The following PPP2R2B variants were observed in gnomAD, a reference collection of about 807,000 sequenced individuals.
The protein encoded by PPP2R2B is serine/threonine-protein phosphatase 2A 55 kDa regulatory subunit B beta isoform.
PPP2R2B carries 5 observed loss-of-function variants against 46.0 expected under a neutral mutation model. The observed-to-expected ratio is 0.11, with a 90% CI of 0.06 to 0.23. The LOEUF is 0.23. Ranked by LOEUF, PPP2R2B falls within the 10% of genes least tolerant of loss-of-function variation. The pLI, the probability that PPP2R2B is intolerant of heterozygous loss-of-function variation, is 1.00. For missense variants in PPP2R2B, 367 were observed against 575.0 expected (o/e 0.64, Z 3.70); for synonymous variants, 215 against 206.7 (o/e 1.04, Z -0.34).
At chr5:146,876,772 A>C (rs1761920852) in intron 2 of PPP2R2B, among the ~76,000 whole-genome samples, 1 of 152,190 alleles carries the variant, frequency 6.6e-6, no homozygotes, top group South Asian at 2.1e-4. Flanking sequence ...AATGGAGAAT[A>C]TACTTTCAAT....
intron 2 of PPP2R2B, among the ~76,000 whole-genome samples, chr5:146,729,207 G>C (rs372191763): frequency 6.6e-6 from 1 of 152,212 alleles, no homozygotes; most frequent in South Asian, 2.1e-4. Context: ...TTATGTTTTA[G>C]CAAAGAGACT....
chr5:146,708,891 A>T (rs1780056052), intron 2 of PPP2R2B, among the ~76,000 whole-genome samples: 1 of 152,198 alleles, frequency 6.6e-6, no homozygotes, highest in Non-Finnish European at 1.5e-5. Flanking sequence ...CCTTGTCTAA[A>T]TGGAACTATG....
intron 2 of PPP2R2B, among the ~76,000 whole-genome samples, chr5:146,788,472 C>T (rs161038): frequency 0.89 from 135,815 of 152,146 alleles, 60,895 homozygotes; most frequent in African/African-American, 0.97. Context: ...CAGTGGCTCA[C>T]GCCTCCCAGC....
At position 146,745,184 on chromosome 5, in the gene PPP2R2B, GAGAGAGAGAGAGAGAGAGAGAGAA is replaced by G. The variant is rs964416642; in HGVS notation, c.71-44066_71-44043del. 5.5e-5 allele frequency among the ~76,000 whole-genome samples: 7 copies of G among 127,152 alleles called. No homozygotes were observed. In the East Asian group the frequency reaches 6.6e-4, roughly 12 times the overall value. 83.4% of individuals were successfully genotyped at this position (127,152 alleles called of 152,430 possible). A position where few individuals can be genotyped will look rare whatever the true frequency, so the allele number is the denominator to read the frequency against. The stretch of plus-strand genomic sequence containing the variant: ...ACAGAGAGAGAGAGAGAGAGAGAGA[GAGAGAGAGAGAGAGAGAGAGAGAA>G]AGAGACTATAAGCATGGAATGATGT... On this transcript the variant is annotated intron_variant, in intron 2 of 9. Coordinates refer to ENST00000394411, the MANE Select transcript of PPP2R2B (RefSeq NM_181675.4).
At position 146,617,862 on chromosome 5, in the gene PPP2R2B, T is replaced by A. The variant is rs546978855; in HGVS notation, c.791-17402A>T. ...GACGTGTGCCACCACGCCCAGCTAA[T>A]TTTTGTAGTTTTAGTAGAGATGGGG... On this transcript the variant is annotated intron_variant, in intron 7 of 9. Coordinates refer to ENST00000394411, the MANE Select transcript of PPP2R2B (RefSeq NM_181675.4). 4.6e-5 allele frequency among the ~76,000 whole-genome samples: 7 copies of A among 152,140 alleles called. No homozygotes were observed. The East Asian group carries it at 1.4e-3, about 30-fold the overall frequency.
At chr5:146,728,057 T>C (rs1462214266) in intron 2 of PPP2R2B, among the ~76,000 whole-genome samples, 1 of 151,956 alleles carries the variant, frequency 6.6e-6, no homozygotes, top group Non-Finnish European at 1.5e-5. Flanking sequence ...TAAGCATGTA[T>C]AATTTTAAAT....
At chr5:146,956,297 T>G (rs1160296063) in intron 1 of PPP2R2B, among the ~76,000 whole-genome samples, 4 of 152,116 alleles carry the variant, frequency 2.6e-5, no homozygotes, top group African/African-American at 9.7e-5. Context: ...CACTTTAATC[T>G]CATGAATGGA....
chr5:146,939,491 G>A (rs1417340595), intron 1 of PPP2R2B, among the ~76,000 whole-genome samples: 1 of 152,180 alleles, frequency 6.6e-6, no homozygotes, highest in Admixed American at 6.5e-5. Flanking sequence ...GAGTCACACT[G>A]CTACAAATTC....
At chr5:146,780,048 A>T (rs990945171) in intron 2 of PPP2R2B, among the ~76,000 whole-genome samples, 1 of 152,206 alleles carries the variant, frequency 6.6e-6, no homozygotes, top group Non-Finnish European at 1.5e-5. Context: ...ATTGCAAAAC[A>T]ATGATGTAAC....
chr5:146,982,218 G>A (rs1343015239), intron 1 of PPP2R2B, among the ~76,000 whole-genome samples: 6 of 151,870 alleles, frequency 4.0e-5, no homozygotes, highest in Non-Finnish European at 7.4e-5. Context: ...CTATAAATTT[G>A]CTTTTCATTT....
rs117120504 is a variant in PPP2R2B, at chr5:147,047,264, A to G, written c.79+8401T>C. On this transcript the variant is annotated intron_variant, in intron 1 of 8. Transcript: ENST00000336640. ...CTGTATGATGACTATAGTTAACAAT[A>G]ATGTCTTAGTTACAAATATCTGGGA... 1.1e-3 allele frequency among the ~76,000 whole-genome samples: 173 copies of G among 152,188 alleles called. 1 individual carries two copies. The East Asian group carries it at 0.027, about 24-fold the overall frequency.
Position 146,878,693 on chromosome 5 carries a change from G to T in PPP2R2B, c.-227C>A. ...GCAGGGCGCTGCAGCCGGCGCCAGCGCACTCACCCTCACACCCACACGCGC... is the reference window on the plus strand; with the variant it reads ...GCAGGGCGCTGCAGCCGGCGCCAGCTCACTCACCCTCACACCCACACGCGC... On this transcript the variant is annotated 5_prime_UTR_variant, in exon 1 of 10. Transcript: ENST00000394411. This position sits in a 1 kb window ranked among gnomAD's most constrained non-coding sequence, Gnocchi z 4.5. 7.8e-7 allele frequency: 1 copy of T among 1,287,574 alleles called. No homozygotes were observed. Among genetic ancestry groups the T allele is most frequent in the Non-Finnish European group, 1.0e-6 (1 of 992,318 alleles). 79.8% of individuals were successfully genotyped at this position (1,287,574 alleles called of 1,614,324 possible).
At chr5:146,675,259 C>T (rs1379047520) in intron 5 of PPP2R2B, among the ~76,000 whole-genome samples, 9 of 152,212 alleles carry the variant, frequency 5.9e-5, no homozygotes, top group African/African-American at 2.2e-4. Context: ...TGCACCCCGC[C>T]GATACTTGGT....
intron 6 of PPP2R2B, among the ~76,000 whole-genome samples, chr5:146,640,114 C>A (rs1052564478): frequency 6.6e-6 from 1 of 152,256 alleles, no homozygotes; most frequent in Non-Finnish European, 1.5e-5. Flanking sequence ...TCAAACATCA[C>A]TATGCTCCTG....
chr5:146,801,044 G>A (rs971138926), intron 2 of PPP2R2B, among the ~76,000 whole-genome samples: 2 of 152,072 alleles, frequency 1.3e-5, no homozygotes, highest in African/African-American at 4.8e-5. Flanking sequence ...GGATGAACCT[G>A]GAGGACATTA....
chr5:146,808,980 TG>T (rs1757360104), intron 2 of PPP2R2B, among the ~76,000 whole-genome samples: 1 of 150,562 alleles, frequency 6.6e-6, no homozygotes, highest in Non-Finnish European at 1.5e-5. Flanking sequence ...TGTGTGTGTG[TG>T]TGTGTGTGTG....
chr5:146,619,301 C>CT (rs1390510518), intron 7 of PPP2R2B, among the ~76,000 whole-genome samples: 47 of 120,784 alleles, frequency 3.9e-4, no homozygotes, highest in Non-Finnish European at 5.2e-4. Context: ...CCCGTCTCTA[C>CT]TAAAAAAAAA....
At chr5:146,618,052 A>AGGC (rs1773356585) in intron 7 of PPP2R2B, among the ~76,000 whole-genome samples, 1 of 151,984 alleles carries the variant, frequency 6.6e-6, no homozygotes, top group Admixed American at 6.6e-5. Flanking sequence ...ATCCCCAAAT[A>AGGC]TGTCTACACC....
intron 1 of PPP2R2B, among the ~76,000 whole-genome samples, chr5:146,910,816 A>C (rs749304021): frequency 5.6e-4 from 85 of 152,192 alleles, no homozygotes; most frequent in Non-Finnish European, 7.6e-4. Context: ...AATCATTAGC[A>C]TGTCCCCCAA....
Sources: gnomAD v4.1 joint callset for allele counts (sites outside exome capture counted in the v4.1 genomes callset) on GRCh38, gnomAD v4.1.1 for gene constraint, Gnocchi (gnomAD v3.1) non-coding constraint, MANE v1.5 for transcripts, NCBI Gene and HGNC (gene_info 2026-07-23, HGNC 2026-07-21) for gene names.